The following GABRB1 variants were observed in gnomAD, a reference collection of about 807,000 sequenced individuals.
GABRB1 encodes gamma-aminobutyric acid receptor subunit beta-1.
A neutral mutation model predicts 51.6 loss-of-function variants in GABRB1; 17 were observed. The ratio of observed to expected loss-of-function variants is 0.33; its 90% confidence interval spans 0.23 to 0.49. GABRB1 has a LOEUF of 0.49. Ranked by LOEUF, GABRB1 falls within the 20% of genes least tolerant of loss-of-function variation. The pLI is 0.99. For synonymous variants in GABRB1, 247 were observed against 218.9 expected (o/e 1.13, Z -1.14); for missense variants, 410 against 600.6 (o/e 0.68, Z 3.32).
At chr4:47,383,115 A>C (rs907097247) in intron 5 of GABRB1, among the ~76,000 whole-genome samples, 4 of 152,230 alleles carry the variant, frequency 2.6e-5, no homozygotes, top group African/African-American at 9.6e-5. Context: ...AAAGCCAAGA[A>C]ATTATACAAG....
chr4:47,060,395 C>G (rs1166356230), intron 3 of GABRB1, among the ~76,000 whole-genome samples: 1 of 152,092 alleles, frequency 6.6e-6, no homozygotes, highest in Admixed American at 6.6e-5. Context: ...AGAAATATCT[C>G]AGCTTTCCAG....
At chr4:47,366,721 G>T (rs1363626361) in intron 5 of GABRB1, among the ~76,000 whole-genome samples, 2 of 152,122 alleles carry the variant, frequency 1.3e-5, no homozygotes, top group Admixed American at 1.3e-4. Context: ...ATGTGGCAGA[G>T]GTAGACTTTT....
intron 4 of GABRB1, among the ~76,000 whole-genome samples, chr4:47,310,121 C>T (rs1724616764): frequency 6.6e-6 from 1 of 152,172 alleles, no homozygotes; most frequent in Non-Finnish European, 1.5e-5. Context: ...AACTGTCTTG[C>T]ATTGCAATCC....
intron 4 of GABRB1, among the ~76,000 whole-genome samples, chr4:47,263,981 A>T (rs886570449): frequency 4.1e-5 from 4 of 96,862 alleles, no homozygotes; most frequent in East Asian, 6.9e-4. Flanking sequence ...AAAAAAAATA[A>T]AAAAAAAAAA....
chr4:47,255,618 T>A (rs1281424601), intron 4 of GABRB1, among the ~76,000 whole-genome samples: 2 of 152,198 alleles, frequency 1.3e-5, no homozygotes, highest in Non-Finnish European at 2.9e-5. Flanking sequence ...AGAAGGGTGA[T>A]GATCGTGACC....
chr4:47,397,136 T>A (rs878932863), intron 5 of GABRB1, among the ~76,000 whole-genome samples: 3 of 152,332 alleles, frequency 2.0e-5, no homozygotes, highest in South Asian at 2.1e-4. Flanking sequence ...CACACTTTTT[T>A]AATGTAGCTG....
intron 4 of GABRB1, among the ~76,000 whole-genome samples, chr4:47,272,320 C>A (rs1038694431): frequency 3.9e-5 from 6 of 152,008 alleles, no homozygotes; most frequent in African/African-American, 1.4e-4. Flanking sequence ...TTGTGGCTTC[C>A]CCTCCCCTTC....
chr4:47,320,256 C>T, intron 5 of GABRB1, 47 bp downstream of exon 5: 2 of 1,218,406 alleles, frequency 1.6e-6, no homozygotes, highest in Non-Finnish European at 1.2e-6. Context: ...TCTTCCTTGA[C>T]CCAGTTGAAT....
intron 1 of GABRB1, among the ~76,000 whole-genome samples, chr4:47,001,490 A>G (rs1724217018): frequency 6.6e-6 from 1 of 152,370 alleles, no homozygotes; most frequent in South Asian, 2.1e-4. Flanking sequence ...GATGAAATAA[A>G]GATTTTAATC....
chr4:47,062,968 A>C (rs1404608245), intron 3 of GABRB1, among the ~76,000 whole-genome samples: 1 of 152,178 alleles, frequency 6.6e-6, no homozygotes, highest in Non-Finnish European at 1.5e-5. Context: ...GCTACACTCA[A>C]ATCCATTCTC....
At chr4:47,197,882 G>T (rs960591784) in intron 4 of GABRB1, among the ~76,000 whole-genome samples, 3 of 152,146 alleles carry the variant, frequency 2.0e-5, no homozygotes, top group African/African-American at 7.2e-5. Context: ...CAATGTGCCT[G>T]TCTATAACTT....
chr4:47,378,237 G>C (rs1454717912), intron 5 of GABRB1, among the ~76,000 whole-genome samples: 1 of 152,218 alleles, frequency 6.6e-6, no homozygotes, highest in East Asian at 1.9e-4. Context: ...CGAGCGCAGC[G>C]CCAGTGGGCC....
intron 5 of GABRB1, among the ~76,000 whole-genome samples, chr4:47,362,951 T>C (rs1726858169): frequency 6.6e-6 from 1 of 152,048 alleles, no homozygotes; most frequent in Non-Finnish European, 1.5e-5. Flanking sequence ...TGAAGAGATA[T>C]GTGCAAGATG....
intron 3 of GABRB1, among the ~76,000 whole-genome samples, chr4:47,040,735 T>C (rs1390280598): frequency 6.6e-6 from 1 of 152,130 alleles, no homozygotes; most frequent in Non-Finnish European, 1.5e-5. Context: ...CAGAGATAGA[T>C]CCTGAAGCCC....
At chr4:47,065,730 A>T (rs1727050109) in intron 3 of GABRB1, among the ~76,000 whole-genome samples, 1 of 152,198 alleles carries the variant, frequency 6.6e-6, no homozygotes, top group African/African-American at 2.4e-5. Context: ...TTATGTTTTC[A>T]TGTCCTTAAG....
chr4:47,195,297 G>A (rs759903653), intron 4 of GABRB1, among the ~76,000 whole-genome samples: 2 of 152,222 alleles, frequency 1.3e-5, no homozygotes, highest in Admixed American at 6.5e-5. Context: ...AACCCGGGAG[G>A]TGGAGCTTGC....
chr4:47,329,785 A>G (rs1725401680), intron 5 of GABRB1, among the ~76,000 whole-genome samples: 1 of 150,814 alleles, frequency 6.6e-6, no homozygotes, highest in Non-Finnish European at 1.5e-5. Context: ...ATATAGATAT[A>G]TATACAGAGA....
At chr4:47,215,880 T>C (rs1720534155) in intron 4 of GABRB1, among the ~76,000 whole-genome samples, 1 of 152,078 alleles carries the variant, frequency 6.6e-6, no homozygotes, top group Non-Finnish European at 1.5e-5. Context: ...AAATTCTTCA[T>C]TCATATTGGA....
chr4:47,296,649 C>T (rs927352910), intron 4 of GABRB1, among the ~76,000 whole-genome samples: 2 of 152,142 alleles, frequency 1.3e-5, no homozygotes, highest in Non-Finnish European at 2.9e-5. Flanking sequence ...GACTCCCACA[C>T]AATAATAATG....
Sources: gnomAD v4.1 joint callset for allele counts (sites outside exome capture counted in the v4.1 genomes callset) on GRCh38, gnomAD v4.1.1 for gene constraint, MANE v1.5 for transcripts, NCBI Gene and HGNC (gene_info 2026-07-23, HGNC 2026-07-21) for gene names.